GABRA1: variants seen among roughly 807,000 people sequenced by gnomAD.
The protein encoded by GABRA1 is gamma-aminobutyric acid receptor subunit alpha-1.
A neutral mutation model predicts 48.9 loss-of-function variants in GABRA1; 9 were observed. That is an observed-to-expected ratio of 0.18 (90% CI 0.11 to 0.32). The LOEUF (loss-of-function observed/expected upper bound fraction) is 0.32, where lower values mean the gene tolerates loss of function less well. GABRA1 is among the 10% of genes least tolerant of loss of function. The pLI, the probability that GABRA1 is intolerant of heterozygous loss-of-function variation, is 1.00. For missense variants in GABRA1, 285 were observed against 553.8 expected, an observed-to-expected ratio of 0.51 and a Z score of 4.87; for synonymous variants, 210 against 198.7, an observed-to-expected ratio of 1.06 and a Z score of -0.48.
chr5:161,861,475 T>C (rs552259032), intron 3 of GABRA1, among the ~76,000 whole-genome samples: 1 of 151,974 alleles, frequency 6.6e-6, no homozygotes, highest in African/African-American at 2.4e-5. Context: ...CCTGCAATAA[T>C]ATCGACCTTT....
chr5:161,891,489 AC>A (rs1755086773), intron 8 of GABRA1, among the ~76,000 whole-genome samples: 1 of 152,180 alleles, frequency 6.6e-6, no homozygotes, highest in African/African-American at 2.4e-5. Context: ...CCAATTAATG[AC>A]CACCATATCA....
At chr5:161,856,686 T>C (rs1471288954) in intron 3 of GABRA1, among the ~76,000 whole-genome samples, 3 of 151,326 alleles carry the variant, frequency 2.0e-5, no homozygotes, top group South Asian at 4.1e-4. Context: ...TTAAATATTC[T>C]TTTTTTGGAA....
At chr5:161,875,722 G>T in intron 6 of GABRA1, 80 bp downstream of exon 6, 3 of 1,021,032 alleles carry the variant, frequency 2.9e-6, no homozygotes, top group Non-Finnish European at 4.7e-6. Context: ...AGAAAAACGC[G>T]TAGATAAGGG....
At chr5:161,847,958 G>A (rs1388304148), upstream of GABRA1, 3 of 152,088 alleles carry the variant, frequency 2.0e-5, no homozygotes, top group Middle Eastern at 3.4e-3. Context: ...GCAGCAGATT[G>A]TAGAAGGATT....
At chr5:161,889,485 A>G (rs1416827189) in intron 7 of GABRA1, among the ~76,000 whole-genome samples, 2 of 152,062 alleles carry the variant, frequency 1.3e-5, no homozygotes, top group Admixed American at 6.6e-5. Flanking sequence ...CTTCCATAGG[A>G]CAATAATTTC....
At chr5:161,892,312 C>T (rs1265799368) in intron 8 of GABRA1, among the ~76,000 whole-genome samples, 2 of 152,154 alleles carry the variant, frequency 1.3e-5, no homozygotes, top group South Asian at 2.1e-4. Flanking sequence ...GAGGATTATT[C>T]ACCTGAAGAG....
chr5:161,873,398 G>A (rs1754209409), intron 5 of GABRA1, 61 bp downstream of exon 5: 1 of 1,339,922 alleles, frequency 7.5e-7, no homozygotes, highest in African/African-American at 1.4e-5. Context: ...TCCACTTGTA[G>A]GCAATCATCA....
At chr5:161,860,966 TC>T in intron 3 of GABRA1, among the ~76,000 whole-genome samples, 1 of 151,958 alleles carries the variant, frequency 6.6e-6, no homozygotes, top group South Asian at 2.1e-4. Flanking sequence ...TATAGATCAT[TC>T]CTTTTTTTTC....
At chr5:161,866,488 G>A (rs1311382111) in intron 4 of GABRA1, among the ~76,000 whole-genome samples, 1 of 151,992 alleles carries the variant, frequency 6.6e-6, no homozygotes, top group Non-Finnish European at 1.5e-5. Context: ...AGTGGTCATG[G>A]AAACATACCA....
At position 161,898,352 on chromosome 5, in the gene GABRA1, A is replaced by G. The variant is rs1755467099; in HGVS notation, c.*930A>G. On this transcript the variant is annotated 3_prime_UTR_variant, in exon 10 of 10. Transcript: ENST00000393943. Reference sequence around the variant, plus strand: ...GGAATTGTTGAATGTATTCTTTTATATAACTACATTAAAAGCTTTAGATTG... The same window carrying G: ...GGAATTGTTGAATGTATTCTTTTATGTAACTACATTAAAAGCTTTAGATTG... The G allele has an allele frequency of 6.6e-6, 1 of 152,632 alleles. No individual in the cohort carries two copies. Among genetic ancestry groups the G allele is most frequent in the Non-Finnish European group, 1.5e-5 (1 of 68,002 alleles). 9.5% of individuals were successfully genotyped at this position (152,632 alleles called of 1,614,324 possible).
In GABRA1 at chr5:161,899,773, T is replaced by A. The variant is rs1004387539; in HGVS notation, c.*2351T>A. ...CCTGTTCACTCCCAGGAAACTTTTT[T>A]AAAAGATGACACTGAATGTTTATTG... On this transcript the variant is annotated 3_prime_UTR_variant, in exon 10 of 10. Coordinates refer to ENST00000393943, the MANE Select transcript of GABRA1 (RefSeq NM_001127644.2). The A allele has an allele frequency of 2.6e-5, 4 of 152,222 alleles. No individual in the cohort carries two copies. The highest frequency in any genetic ancestry group is 5.9e-5 in the Non-Finnish European group (4 of 68,010). The allele number at this position is 152,222 out of a possible 1,614,324, so 9.4% of individuals were successfully genotyped here.
intron 4 of GABRA1, among the ~76,000 whole-genome samples, chr5:161,871,437 A>G (rs1189259279): frequency 6.6e-6 from 1 of 152,044 alleles, no homozygotes; most frequent in Non-Finnish European, 1.5e-5. Flanking sequence ...TTATATCCCT[A>G]CCTCACAAGC....
At chr5:161,885,224 A>T (rs1265935553) in intron 7 of GABRA1, among the ~76,000 whole-genome samples, 1 of 152,182 alleles carries the variant, frequency 6.6e-6, no homozygotes, top group African/African-American at 2.4e-5. Context: ...CTCTGGGACC[A>T]CTTTAGCTCA....
chr5:161,857,990 A>G (rs1345373481), intron 3 of GABRA1, among the ~76,000 whole-genome samples: 2 of 149,352 alleles, frequency 1.3e-5, no homozygotes, highest in Non-Finnish European at 3.0e-5. Context: ...AAAAAAGTTA[A>G]AAAAAAAAGG....
At chr5:161,887,684 T>C (rs1038568567) in intron 7 of GABRA1, among the ~76,000 whole-genome samples, 1 of 152,118 alleles carries the variant, frequency 6.6e-6, no homozygotes, top group Non-Finnish European at 1.5e-5. Flanking sequence ...GGAAGGAAAA[T>C]GACAGCTTCA....
At chr5:161,848,861 G>A in intron 1 of GABRA1, 3 of 413,688 alleles carry the variant, frequency 7.3e-6, no homozygotes, top group South Asian at 5.1e-5. Flanking sequence ...CGCTGGGACG[G>A]AAAACCTGTC....
chr5:161,855,713 A>C (rs1372763170), intron 3 of GABRA1, among the ~76,000 whole-genome samples: 2 of 151,418 alleles, frequency 1.3e-5, no homozygotes, highest in African/African-American at 2.4e-5. Flanking sequence ...GTATGAAAAG[A>C]AGAAATAGCC....
chr5:161,868,628 G>T (rs1464337257), intron 4 of GABRA1, among the ~76,000 whole-genome samples: 1 of 152,054 alleles, frequency 6.6e-6, no homozygotes, highest in Non-Finnish European at 1.5e-5. Context: ...TTGCTTAATG[G>T]CCATTCTATC....
At chr5:161,889,067 T>C (rs1754974965) in intron 7 of GABRA1, among the ~76,000 whole-genome samples, 1 of 152,040 alleles carries the variant, frequency 6.6e-6, no homozygotes, top group Admixed American at 6.6e-5. Context: ...ATTATAAATA[T>C]ATACAAGAGA....
Sources: allele counts gnomAD v4.1 joint callset (sites outside exome capture counted in the v4.1 genomes callset), GRCh38; gene constraint gnomAD v4.1.1; transcripts MANE v1.5; gene names NCBI Gene and HGNC (gene_info 2026-07-23, HGNC 2026-07-21).